Variants in TRIM49 observed in about 807,000 individuals in gnomAD.
TRIM49 encodes tripartite motif-containing protein 49.
A neutral mutation model predicts 27.4 loss-of-function variants in TRIM49; 5 were observed. That is an observed-to-expected ratio of 0.18 (90% CI 0.10 to 0.38). The LOEUF (loss-of-function observed/expected upper bound fraction) is 0.38. Among genes scored for constraint, TRIM49 ranks in the 10% least tolerant of loss-of-function variants. The probability of loss-of-function intolerance (pLI) is 1.00; values close to 1 mark genes in which losing one functional copy is unlikely to be tolerated. For missense variants in TRIM49, 188 were observed against 487.5 expected (o/e 0.39, Z 5.79); for synonymous variants, 69 against 166.0 (o/e 0.42, Z 4.49).
intron 6 of TRIM49, among the ~76,000 whole-genome samples, chr11:89,800,028 T>C (rs907915614): frequency 7.6e-6 from 1 of 132,342 alleles, no homozygotes; most frequent in African/African-American, 3.2e-5. Context: ...ATCCTTCTTT[T>C]TTTTTTTTTT....
At chr11:89,794,222 T>C (rs1420983696), downstream of TRIM49, among the ~76,000 whole-genome samples, 4 of 121,474 alleles carry the variant, frequency 3.3e-5, no homozygotes, top group Admixed American at 3.4e-4. Flanking sequence ...AAACCACTGC[T>C]CAATGAAATA....
chr11:89,778,280 GACA>G, the TRIM49 span, among the ~76,000 whole-genome samples: 1 of 152,082 alleles, frequency 6.6e-6, no homozygotes, highest in Admixed American at 6.5e-5. Context: ...CTGCAGATGA[GACA>G]ACATTTCACT....
At chr11:89,772,265 T>A in the TRIM49 span, among the ~76,000 whole-genome samples, 1 of 137,188 alleles carries the variant, frequency 7.3e-6, no homozygotes, top group Admixed American at 6.8e-5. Context: ...ATATAAAATA[T>A]GCGTTAATCA....
chr11:89,794,783 C>T (rs1334948707), downstream of TRIM49, among the ~76,000 whole-genome samples: 5 of 143,398 alleles, frequency 3.5e-5, no homozygotes, highest in African/African-American at 1.0e-4. Context: ...ACCATAAAAA[C>T]CCTAGAATTA....
At chr11:89,805,452 T>C (rs1164487978) in intron 2 of TRIM49, among the ~76,000 whole-genome samples, 1 of 151,192 alleles carries the variant, frequency 6.6e-6, no homozygotes, top group African/African-American at 2.4e-5. Flanking sequence ...TCCAATCAGC[T>C]GACACCTCAG....
chr11:89,770,426 T>G, the TRIM49 span, among the ~76,000 whole-genome samples: 15 of 138,744 alleles, frequency 1.1e-4, no homozygotes, highest in Non-Finnish European at 2.2e-4. Flanking sequence ...ATTTAGATAT[T>G]TTTAATGTAG....
At chr11:89,773,941 GA>G in the TRIM49 span, among the ~76,000 whole-genome samples, 3 of 131,766 alleles carry the variant, frequency 2.3e-5, no homozygotes, top group East Asian at 2.1e-4. Flanking sequence ...CGTCTCAAAA[GA>G]AAAAAAAAGT....
intron 2 of TRIM49, among the ~76,000 whole-genome samples, chr11:89,806,108 A>G (rs1007819007): frequency 4.0e-5 from 6 of 149,148 alleles, no homozygotes; most frequent in African/African-American, 1.3e-4. Flanking sequence ...ACTATAGCCT[A>G]TTGTTCCTAC....
downstream of TRIM49, among the ~76,000 whole-genome samples, chr11:89,794,516 C>T (rs546330061): frequency 2.2e-4 from 34 of 151,594 alleles, no homozygotes; most frequent in African/African-American, 8.2e-4. Flanking sequence ...ACCAAAACAG[C>T]ATCGGACTCG....
the TRIM49 span, among the ~76,000 whole-genome samples, chr11:89,783,758 A>G: frequency 6.8e-6 from 1 of 146,924 alleles, no homozygotes; most frequent in Non-Finnish European, 1.5e-5. Context: ...TGTAATAGCT[A>G]CATCTCCTAG....
chr11:89,804,605 T>C (rs1466305905), intron 2 of TRIM49, 132 bp from the exon 3 acceptor site: 1 of 1,136,258 alleles, frequency 8.8e-7, no homozygotes, highest in East Asian at 2.6e-5. Flanking sequence ...CTATTTCTTC[T>C]GTTACAAACT....
At position 89,807,231 on chromosome 11, in the gene TRIM49, CCTT is replaced by C. The variant is rs1350831728; in HGVS notation, c.-140_-138del. The C allele has an allele frequency of 2.0e-5, 3 of 152,998 alleles. No homozygotes were observed. In the East Asian group the frequency reaches 5.8e-4, roughly 30 times the overall value. 9.5% of individuals were successfully genotyped at this position (152,998 alleles called of 1,614,324 possible). A position where few individuals can be genotyped will look rare whatever the true frequency, so the allele number is the denominator to read the frequency against. On this transcript the variant is annotated 5_prime_UTR_variant, in exon 2 of 8. Coordinates refer to ENST00000329758, the MANE Select transcript of TRIM49 (RefSeq NM_020358.2). ...GCCAAAATGCAGTTCTAAGTGCAGT[CCTT>C]CTCCTTCAGAGAAAACTGAGCTTGT...
chr11:89,793,062 T>C (rs1345824662), downstream of TRIM49, among the ~76,000 whole-genome samples: 5 of 152,016 alleles, frequency 3.3e-5, no homozygotes, highest in Non-Finnish European at 1.5e-5. Context: ...ATAAAGGGGA[T>C]ATCACCACCG....
the TRIM49 span, chr11:89,787,098 A>G: frequency 2.5e-5 from 4 of 158,892 alleles, no homozygotes; most frequent in South Asian, 1.2e-4. Context: ...CGGTTGGGGG[A>G]AAAGTACCAG....
intron 4 of TRIM49, among the ~76,000 whole-genome samples, chr11:89,802,330 T>A (rs1269942482): frequency 6.6e-6 from 1 of 150,662 alleles, no homozygotes; most frequent in Non-Finnish European, 1.5e-5. Context: ...TATATGAAAA[T>A]GACCTTAGAC....
chr11:89,769,539 T>C, the TRIM49 span, among the ~76,000 whole-genome samples: 1 of 133,146 alleles, frequency 7.5e-6, no homozygotes, highest in Non-Finnish European at 1.5e-5. Context: ...CAGACAAGAG[T>C]TCTTCGAGAA....
chr11:89,784,733 G>C, the TRIM49 span, among the ~76,000 whole-genome samples: 1 of 143,680 alleles, frequency 7.0e-6, no homozygotes, highest in Non-Finnish European at 1.5e-5. Context: ...TAGTTTTCAA[G>C]GAAAAATTTA....
At chr11:89,772,625 C>T in the TRIM49 span, among the ~76,000 whole-genome samples, 1 of 133,084 alleles carries the variant, frequency 7.5e-6, no homozygotes, top group Admixed American at 6.9e-5. Flanking sequence ...AGCAAGAAAT[C>T]CTAATAAGAA....
chr11:89,773,822 C>A, the TRIM49 span, among the ~76,000 whole-genome samples: 2 of 133,886 alleles, frequency 1.5e-5, 1 homozygote, highest in African/African-American at 7.0e-5. Flanking sequence ...CCTGTAATCC[C>A]AGCTACTTGG....
Sources: allele counts gnomAD v4.1 joint callset (sites outside exome capture counted in the v4.1 genomes callset), GRCh38; gene constraint gnomAD v4.1.1; transcripts MANE v1.5; gene names NCBI Gene and HGNC (gene_info 2026-07-23, HGNC 2026-07-21).